AQP5: variants seen among roughly 807,000 people sequenced by gnomAD.
AQP5 encodes aquaporin-5.
Under a neutral mutation model 19.1 loss-of-function variants are expected in AQP5, and 15 were observed. The ratio of observed to expected loss-of-function variants is 0.79; its 90% confidence interval spans 0.53 to 1.21. The LOEUF (loss-of-function observed/expected upper bound fraction) is 1.21, where lower values mean the gene tolerates loss of function less well. AQP5 is among the 50% of genes most tolerant of loss of function. The pLI, the probability that AQP5 is intolerant of heterozygous loss-of-function variation, is 0.00. For missense variants in AQP5, 355 were observed against 357.1 expected, an observed-to-expected ratio of 0.99 and a Z score of 0.05; for synonymous variants, 182 against 160.3, an observed-to-expected ratio of 1.14 and a Z score of -1.02.
At position 49,964,164 on chromosome 12, in the gene AQP5, C is replaced by A. The variant is rs778654352; in HGVS notation, c.601C>A (p.Pro201Thr). 2 of 1,613,932 alleles carry A rather than the reference C, an allele frequency of 1.2e-6. No homozygotes were observed. The highest frequency in any genetic ancestry group is 2.7e-5 in the African/African-American group (2 of 74,908). Reference sequence around the variant, plus strand: ...TGCGGTGGTCATGAATCGGTTCAGCCCCGCTCACTGGGTGAGTCTGTCCCT... The same window carrying A: ...TGCGGTGGTCATGAATCGGTTCAGCACCGCTCACTGGGTGAGTCTGTCCCT... ...GPAVVMNRFS[P>T]AHWVFWVGPI... The change falls in exon 3 of 4, where the codon CCC becomes ACC. Residue 201 changes from proline to threonine, a missense_variant. Transcript: ENST00000293599.
intron 1 of AQP5, 66 bp downstream of exon 1, chr12:49,962,446 C>T (rs1947438012): frequency 1.4e-6 from 2 of 1,461,056 alleles, no homozygotes; most frequent in African/African-American, 1.5e-5. Context: ...GGCCTCTTAC[C>T]CCACCTGGAA....
intron 1 of AQP5, chr12:49,962,646 T>G (rs1290215723): frequency 1.0e-5 from 4 of 380,998 alleles, no homozygotes; most frequent in East Asian, 3.9e-5. Flanking sequence ...TGCCAGAAAC[T>G]TCTGCCTCCT....
At position 49,963,494 on chromosome 12, in the gene AQP5, C is replaced by G. The variant is rs767551138; in HGVS notation, c.366C>G (p.Leu122=). The change falls in exon 2 of 4, where the codon CTC becomes CTG. Residue 122 remains leucine, a splice_region_variant and synonymous_variant. Coordinates refer to ENST00000293599, the MANE Select transcript of AQP5 (RefSeq NM_001651.4). ...NARGNLAVNA[L]NNNTTQGQAM... is the part of the protein sequence containing the mutation. ...CCTAACCCGCTATCCCCTTGCAGCT[C>G]AACAACAACACAACGCAGGGCCAGG... is the stretch of plus-strand genomic sequence containing the variant. 6.2e-7 allele frequency: 1 copy of G among 1,613,656 alleles called. No individual in the cohort carries two copies. Among genetic ancestry groups the G allele is most frequent in the Non-Finnish European group, 8.5e-7 (1 of 1,179,888 alleles).
Position 49,962,580 on chromosome 12 carries a change from T to TC in AQP5, c.363+204dup, listed in dbSNP as rs1414557117. ...CCTTCCTGCCCACCTCCTCTCCCCCTCCCCTCATGCTGGCCCACCCTGGTC... is the reference window on the plus strand; with the variant it reads ...CCTTCCTGCCCACCTCCTCTCCCCCTCCCCCTCATGCTGGCCCACCCTGGTC... On this transcript the variant is annotated intron_variant, in intron 1 of 3. Transcript: ENST00000293599. 6.0e-6 allele frequency: 4 copies of TC among 670,810 alleles called. No individual in the cohort carries two copies. The East Asian group carries it at 9.5e-5, about 16-fold the overall frequency. The allele number at this position is 670,810 out of a possible 1,614,324, so 41.6% of individuals were successfully genotyped here. A position where few individuals can be genotyped will look rare whatever the true frequency, so the allele number is the denominator to read the frequency against.
At chr12:49,962,538 C>CCAAGGCCAGGAAGGCAAGAGCCTCACA (rs1555166093) in intron 1 of AQP5, 158 bp downstream of exon 1, 2 of 929,846 alleles carry the variant, frequency 2.2e-6, no homozygotes, top group Non-Finnish European at 3.0e-6. Flanking sequence ...GGCAACTCTC[C>CCAAGGCCAGGAAGGCAAGAGCCTCACA]AGGCTGATAT....
chr12:49,963,607 C>A lies in AQP5; in HGVS notation c.479C>A (p.Ser160Tyr). 9.3e-6 allele frequency: 15 copies of A among 1,613,856 alleles called. No individual in the cohort carries two copies. The highest frequency in any genetic ancestry group is 1.3e-5 in the Non-Finnish European group (15 of 1,180,004). ...TCCCGCCGCACCAGCCCTGTGGGCTCCCCAGCCCTGTCCATTGGCCTGTCT... is the reference window on the plus strand; with the variant it reads ...TCCCGCCGCACCAGCCCTGTGGGCTACCCAGCCCTGTCCATTGGCCTGTCT... ...TDSRRTSPVG[S>Y]PALSIGLSVT... is the part of the protein sequence containing the mutation. The change falls in exon 2 of 4, where the codon TCC (serine) becomes TAC (tyrosine). Residue 160 changes from serine to tyrosine, a missense_variant. Coordinates refer to ENST00000293599, the MANE Select transcript of AQP5 (RefSeq NM_001651.4).
At position 49,965,266 on chromosome 12, in the gene AQP5, A is replaced by G. The variant is rs2137162988; in HGVS notation, c.*89A>G. The G allele has an allele frequency of 2.8e-5, 39 of 1,399,600 alleles. No homozygotes were observed. In the South Asian group the frequency reaches 5.2e-4, roughly 19 times the overall value. 86.7% of individuals were successfully genotyped at this position (1,399,600 alleles called of 1,614,324 possible). A position where few individuals can be genotyped will look rare whatever the true frequency, so the allele number is the denominator to read the frequency against. On this transcript the variant is annotated 3_prime_UTR_variant, in exon 4 of 4. Transcript: ENST00000293599. ...CTAACACAAGCTTCCTTTTTGCACA[A>G]CCGGTCCTCTTGGCTGAGGAGGAGG...
Position 49,962,296 on chromosome 12 carries a change from C to A in AQP5, c.279C>A (p.Ala93=), listed in dbSNP as rs1228681324. The change falls in exon 1 of 4, where the codon GCC becomes GCA. Residue 93 remains alanine, a synonymous_variant. Transcript: ENST00000293599. ...SLLRAFFYVA[A]QLVGAIAGAG... The stretch of plus-strand genomic sequence containing the variant: ...TCCGGGCTTTCTTCTACGTGGCGGC[C>A]CAGCTGGTGGGCGCCATTGCCGGGG... The A allele has an allele frequency of 1.2e-6, 2 of 1,607,706 alleles. No individual in the cohort carries two copies. Among genetic ancestry groups the A allele is most frequent in the South Asian group, 2.2e-5 (2 of 91,016 alleles).
chr12:49,962,460 A>G, intron 1 of AQP5, 80 bp downstream of exon 1: 3 of 1,097,852 alleles, frequency 2.7e-6, no homozygotes, highest in Non-Finnish European at 3.7e-6. Context: ...CCTGGAAAAA[A>G]GGGGTGCCGC....
Position 49,965,425 on chromosome 12 carries a change from T to C in AQP5, c.*248T>C, listed in dbSNP as rs1947479674. 1 of 380,662 alleles carries C rather than the reference T, an allele frequency of 2.6e-6. No individual in the cohort carries two copies. The highest frequency in any genetic ancestry group is 4.6e-6 in the Non-Finnish European group (1 of 215,206). 23.6% of individuals were successfully genotyped at this position (380,662 alleles called of 1,614,324 possible). Reference sequence around the variant, plus strand: ...CAGACCTCAGAGATTGTGAATGCAGTGCCAAGCTCACAGGCTGCAAGGGCC... The same window carrying C: ...CAGACCTCAGAGATTGTGAATGCAGCGCCAAGCTCACAGGCTGCAAGGGCC... On this transcript the variant is annotated 3_prime_UTR_variant, in exon 4 of 4. Coordinates refer to ENST00000293599, the MANE Select transcript of AQP5 (RefSeq NM_001651.4).
Position 49,964,981 on chromosome 12 carries a change from G to C in AQP5, c.613-11G>C. The C allele has an allele frequency of 6.2e-7, 1 of 1,610,312 alleles. No individual in the cohort carries two copies. The highest frequency in any genetic ancestry group is 1.3e-5 in the African/African-American group (1 of 74,984). On this transcript the variant is annotated splice_polypyrimidine_tract_variant and intron_variant, in intron 3 of 3. Transcript: ENST00000293599. ...GGCTCAGCGCCCTGACTCCTGCCCT[G>C]TCTCCACCAGGTTTTCTGGGTAGGG...
rs1043160434 is a variant in AQP5 at position 49,961,954 on chromosome 12, C to T, written c.-64C>T. On this transcript the variant is annotated 5_prime_UTR_variant, in exon 1 of 4. Coordinates refer to ENST00000293599, the MANE Select transcript of AQP5 (RefSeq NM_001651.4). ...CCGCCCCCGCCGCATCCACCTCCTC[C>T]GCCGCCTGCGACCCAACGGGCGCCC... 246 of 1,168,902 alleles carry T rather than the reference C, an allele frequency of 2.1e-4. 1 individual carries two copies. Among genetic ancestry groups the T allele is most frequent in the Middle Eastern group, 8.1e-4 (3 of 3,694 alleles). 72.4% of individuals were successfully genotyped at this position (1,168,902 alleles called of 1,614,324 possible).
In AQP5 at chr12:49,964,146, G is replaced by A. The variant is rs1473282713; in HGVS notation, c.583G>A (p.Val195Ile). The change falls in exon 3 of 4, where the codon GTC becomes ATC. Residue 195 changes from valine (V) to isoleucine (I), a missense_variant. Coordinates refer to ENST00000293599, the MANE Select transcript of AQP5 (RefSeq NM_001651.4). ...NPARSFGPAVVMNRFSPAHWV... is the reference protein window; with the variant it reads ...NPARSFGPAVIMNRFSPAHWV... ...AGCCCGCTCTTTTGGCCCTGCGGTG[G>A]TCATGAATCGGTTCAGCCCCGCTCA... 6.2e-7 allele frequency: 1 copy of A among 1,614,186 alleles called. No homozygotes were observed. The highest frequency in any genetic ancestry group is 1.7e-5 in the Admixed American group (1 of 60,024).
Position 49,963,626 on chromosome 12 carries a change from CCTGT to C in AQP5, c.504_507del (p.Val169ProfsTer15), listed in dbSNP as rs755727483. 4 of 1,613,768 alleles carry C rather than the reference CCTGT, an allele frequency of 2.5e-6. No homozygotes were observed. The highest frequency in any genetic ancestry group is 3.3e-5 in the Admixed American group (2 of 60,032). ...TGGGCTCCCCAGCCCTGTCCATTGG[CCTGT>C]CTGTCACCCTGGGCCACCTTGTCGG... is the stretch of plus-strand genomic sequence containing the variant. On this transcript the variant is annotated frameshift_variant, in exon 2 of 4. Transcript: ENST00000293599. LOFTEE classifies it high-confidence loss of function.
chr12:49,962,967 C>G (rs1379155439), intron 1 of AQP5: 1 of 169,076 alleles, frequency 5.9e-6, no homozygotes, highest in Non-Finnish European at 1.3e-5. Context: ...CAACCCCGCA[C>G]CCCTGCCTCC....
At chr12:49,964,030 C>T in intron 2 of AQP5, 62 bp from the exon 3 acceptor site, 2 of 1,508,918 alleles carry the variant, frequency 1.3e-6, no homozygotes, top group South Asian at 1.1e-5. Flanking sequence ...TTGAGAGAGT[C>T]CAGATTCTGT....
In AQP5 at chr12:49,964,170, C is replaced by G; in HGVS notation, c.607C>G (p.His203Asp). Residue 203 changes from histidine to aspartate, a missense_variant, in exon 3 of 4, where the codon CAC (histidine) becomes GAC (aspartate). Coordinates refer to ENST00000293599, the MANE Select transcript of AQP5 (RefSeq NM_001651.4). Reference protein sequence around the residue: ...AVVMNRFSPAHWVFWVGPIVG... With the variant: ...AVVMNRFSPADWVFWVGPIVG... ...GGTCATGAATCGGTTCAGCCCCGCT[C>G]ACTGGGTGAGTCTGTCCCTTCCCCT... The G allele has an allele frequency of 6.2e-7, 1 of 1,614,042 alleles. No homozygotes were observed. The highest frequency in any genetic ancestry group is 8.5e-7 in the Non-Finnish European group (1 of 1,179,910).
At position 49,962,113 on chromosome 12, in the gene AQP5, C is replaced by G; in HGVS notation, c.96C>G (p.Ala32=). 1.2e-6 allele frequency: 2 copies of G among 1,613,586 alleles called. No individual in the cohort carries two copies. The highest frequency in any genetic ancestry group is 1.7e-6 in the Non-Finnish European group (2 of 1,179,816). The change falls in exon 1 of 4, where the codon GCC becomes GCG. Residue 32 remains alanine, a synonymous_variant. Coordinates refer to ENST00000293599, the MANE Select transcript of AQP5 (RefSeq NM_001651.4). ...LIFVFFGLGS[A]LKWPSALPTI... ...TCGTCTTCTTTGGCCTGGGCTCGGC[C>G]CTCAAGTGGCCGTCGGCGCTGCCTA...
Position 49,964,090 on chromosome 12 carries a change from A to C in AQP5, c.529-2A>C. 6.2e-7 allele frequency: 1 copy of C among 1,613,696 alleles called. No individual in the cohort carries two copies. The highest frequency in any genetic ancestry group is 2.2e-5 in the East Asian group (1 of 44,888). On this transcript the variant is annotated splice_acceptor_variant, in intron 2 of 3. Coordinates refer to ENST00000293599, the MANE Select transcript of AQP5 (RefSeq NM_001651.4). LOFTEE classifies it high-confidence loss of function. ...TCTCTCCACCGCCCTGTCTCTATCC[A>C]GATCTACTTCACTGGCTGCTCCATG...
Sources: allele counts gnomAD v4.1 joint callset, GRCh38; gene constraint gnomAD v4.1.1; transcripts MANE v1.5; gene names NCBI Gene and HGNC (gene_info 2026-07-23, HGNC 2026-07-21).